PRKCZ: variants seen among roughly 807,000 people sequenced by gnomAD.
PRKCZ encodes the protein protein kinase C zeta.
PRKCZ carries 33 observed loss-of-function variants against 79.5 expected under a neutral mutation model. The ratio of observed to expected loss-of-function variants is 0.41; its 90% CI spans 0.31 to 0.55. The LOEUF (loss-of-function observed/expected upper bound fraction) is 0.55, where lower values mean the gene tolerates loss of function less well. Ranked by LOEUF, PRKCZ falls within the 20% of genes least tolerant of loss-of-function variation. The pLI is 0.19. For synonymous variants in PRKCZ, 342 were observed against 320.9 expected, an observed-to-expected ratio of 1.07 and a Z score of -0.70; for missense variants, 578 against 813.5, an observed-to-expected ratio of 0.71 and a Z score of 3.52.
intron 4 of PRKCZ, among the ~76,000 whole-genome samples, chr1:2,109,776 T>C (rs1047336179): frequency 6.6e-5 from 10 of 152,024 alleles, no homozygotes; most frequent in Admixed American, 5.9e-4. Context: ...GTCCAGGCCA[T>C]GGGCCTGTGG....
intron 1 of PRKCZ, among the ~76,000 whole-genome samples, chr1:2,051,821 C>G (rs1448229346): frequency 6.6e-6 from 1 of 152,274 alleles, no homozygotes; most frequent in Non-Finnish European, 1.5e-5. Flanking sequence ...TGCTTGGCCC[C>G]GGGTTTGTTG....
At position 2,169,601 on chromosome 1, in the gene PRKCZ, C is replaced by G; in HGVS notation, c.1058C>G (p.Ala353Gly). ...QRQRKLPEEHARFYAAEICIA... is the reference protein window; with the variant it reads ...QRQRKLPEEHGRFYAAEICIA... ...CAGAGGAAGCTCCCTGAGGAGCACG[C>G]CAGGTGGGTGCGCGTGGACGGGGCC... is the stretch of plus-strand genomic sequence containing the variant. The change falls in exon 11 of 18, where the codon GCC (alanine) becomes GGC (glycine). Residue 353 changes from alanine to glycine, a missense_variant. Coordinates refer to ENST00000378567, the MANE Select transcript of PRKCZ (RefSeq NM_002744.6). 6.6e-7 allele frequency: 1 copy of G among 1,509,570 alleles called. No homozygotes were observed. Among genetic ancestry groups the G allele is most frequent in the South Asian group, 1.2e-5 (1 of 80,010 alleles). 93.5% of individuals were successfully genotyped at this position (1,509,570 alleles called of 1,614,324 possible). A position where few individuals can be genotyped will look rare whatever the true frequency, so the allele number is the denominator to read the frequency against.
At chr1:2,137,581 C>T (rs1676477340) in intron 5 of PRKCZ, among the ~76,000 whole-genome samples, 1 of 145,384 alleles carries the variant, frequency 6.9e-6, no homozygotes. Context: ...TCCGTCTCCA[C>T]ATGGCCTCCT....
At chr1:2,135,448 C>T in intron 5 of PRKCZ, 101 bp downstream of exon 5, 1 of 1,120,640 alleles carries the variant, frequency 8.9e-7, no homozygotes, top group Non-Finnish European at 1.3e-6. Flanking sequence ...CCAGGCTGGG[C>T]TCTTTTTGGC....
intron 4 of PRKCZ, among the ~76,000 whole-genome samples, chr1:2,131,813 A>C (rs1273640556): frequency 3.3e-5 from 5 of 152,156 alleles, no homozygotes; most frequent in Non-Finnish European, 7.3e-5. Flanking sequence ...TTCTAAAACA[A>C]GATGTTGTTT....
intron 5 of PRKCZ, 78 bp downstream of exon 5, chr1:2,135,425 C>T (rs776659339): frequency 7.1e-5 from 95 of 1,335,080 alleles, no homozygotes; most frequent in Non-Finnish European, 8.8e-5. Flanking sequence ...AGGGGAGGCA[C>T]GTCCCGCTGA....
intron 5 of PRKCZ, chr1:2,143,978 A>G: frequency 3.9e-6 from 2 of 518,338 alleles, no homozygotes; most frequent in South Asian, 4.9e-5. Flanking sequence ...CATGCAGAGC[A>G]GGGTTCCAGG....
At chr1:2,059,981 G>A (rs1164646360) in intron 4 of PRKCZ, among the ~76,000 whole-genome samples, 3 of 152,216 alleles carry the variant, frequency 2.0e-5, no homozygotes, top group African/African-American at 7.2e-5. Context: ...TGGGGGCTCC[G>A]TTCATCCCAC....
At chr1:2,101,315 C>T (rs1667404007) in intron 4 of PRKCZ, among the ~76,000 whole-genome samples, 1 of 152,156 alleles carries the variant, frequency 6.6e-6, no homozygotes, top group Non-Finnish European at 1.5e-5. Flanking sequence ...CTGGCCACGT[C>T]CTCTCAGTAG....
In PRKCZ at chr1:2,125,681, G is replaced by A. The variant is rs1673731527; in HGVS notation, c.335-9581G>A. Among the ~76,000 whole-genome samples, 1 of 152,220 alleles carries A rather than the reference G, an allele frequency of 6.6e-6. No individual in the cohort carries two copies. The highest frequency in any genetic ancestry group is 2.4e-5 in the African/African-American group (1 of 41,462). On this transcript the variant is annotated intron_variant, in intron 4 of 17. Transcript: ENST00000378567. The surrounding 1 kb of genome is among the most constrained non-coding windows in gnomAD (Gnocchi z 4.2). ...TCCCGCTTTCCATCCGCATTCCATG[G>A]CAGGTGAGTCTGATTATTCGAAGGA...
intron 4 of PRKCZ, among the ~76,000 whole-genome samples, chr1:2,074,525 C>G (rs1027292967): frequency 6.6e-6 from 1 of 152,176 alleles, no homozygotes; most frequent in African/African-American, 2.4e-5. Flanking sequence ...CGGGTGAAGT[C>G]TGGAGACCCC....
chr1:2,104,779 C>A, intron 4 of PRKCZ: 1 of 985,882 alleles, frequency 1.0e-6, no homozygotes, highest in Non-Finnish European at 1.2e-6. Context: ...TCACTGCTGC[C>A]CCCCGGGGCC....
At chr1:2,180,701 A>G (rs893546953) in intron 16 of PRKCZ, among the ~76,000 whole-genome samples, 1 of 152,176 alleles carries the variant, frequency 6.6e-6, no homozygotes, top group Non-Finnish European at 1.5e-5. Context: ...AAACGCACAG[A>G]TGACTGGGAT....
At chr1:2,120,222 T>C (rs1319741940) in intron 4 of PRKCZ, among the ~76,000 whole-genome samples, 2 of 151,054 alleles carry the variant, frequency 1.3e-5, no homozygotes, top group African/African-American at 2.4e-5. Context: ...TAATTGAGAT[T>C]GGTAGAGCTT....
rs993712165 is a variant in PRKCZ, at chr1:2,185,150, T to TCAG, written c.*143_*145dup. Reference sequence around the variant, plus strand: ...TGCGCCGAGACCGCAGAGGGAAGCGTCAGCGGGCGCTGCTGGGAGCAGAAC... The same window carrying TCAG: ...TGCGCCGAGACCGCAGAGGGAAGCGTCAGCAGCGGGCGCTGCTGGGAGCAGAAC... On this transcript the variant is annotated 3_prime_UTR_variant, in exon 18 of 18. Transcript: ENST00000378567. 28 of 834,186 alleles carry TCAG rather than the reference T, an allele frequency of 3.4e-5. No homozygotes were observed. Among genetic ancestry groups the TCAG allele is most frequent in the Non-Finnish European group, 5.4e-5 (28 of 514,530 alleles). 51.7% of individuals were successfully genotyped at this position (834,186 alleles called of 1,614,324 possible).
chr1:2,074,854 G>GT (rs150386103), intron 4 of PRKCZ: 28,214 of 147,482 alleles, frequency 0.19, 3,476 homozygotes, highest in East Asian at 0.6. Context: ...TTTGCAAGGT[G>GT]TTTTTTTTAA....
chr1:2,100,712 G>T (rs1268815967), intron 4 of PRKCZ, among the ~76,000 whole-genome samples: 1 of 152,218 alleles, frequency 6.6e-6, no homozygotes, highest in Non-Finnish European at 1.5e-5. Context: ...CCAGGTGGTG[G>T]CTCCCGTGGG....
chr1:2,050,729 C>G (rs973565968), intron 1 of PRKCZ, 28 bp downstream of exon 1: 2 of 798,256 alleles, frequency 2.5e-6, no homozygotes, highest in African/African-American at 3.6e-5. Context: ...CGGGGAGCGG[C>G]GCGGGTGAGG....
intron 4 of PRKCZ, among the ~76,000 whole-genome samples, chr1:2,130,985 C>A (rs1674843869): frequency 6.6e-6 from 1 of 152,102 alleles, no homozygotes; most frequent in African/African-American, 2.4e-5. Context: ...TGACACAGTT[C>A]GACCCTCCCG....
Sources: allele counts gnomAD v4.1 joint callset (sites outside exome capture counted in the v4.1 genomes callset), GRCh38; gene constraint gnomAD v4.1.1; non-coding constraint Gnocchi (gnomAD v3.1); transcripts MANE v1.5; gene names NCBI Gene and HGNC (gene_info 2026-07-23, HGNC 2026-07-21).